Variants in C22orf42 observed in about 807,000 individuals in gnomAD.
The protein encoded by C22orf42 is chromosome 22 open reading frame 42.
A neutral mutation model predicts 31.4 loss-of-function variants in C22orf42; 24 were observed. The observed-to-expected ratio is 0.77, with a 90% CI of 0.55 to 1.08. C22orf42 has a LOEUF of 1.08. C22orf42 is among the 50% of genes least tolerant of loss of function. The pLI is 0.00. For synonymous variants in C22orf42, 96 were observed against 112.7 expected, an observed-to-expected ratio of 0.85 and a Z score of 0.94; for missense variants, 276 against 327.3, an observed-to-expected ratio of 0.84 and a Z score of 1.21.
intron 7 of C22orf42, 192 bp from the exon 8 acceptor site, chr22:32,149,972 T>C (rs2094109706): frequency 1.9e-6 from 1 of 513,888 alleles, no homozygotes; most frequent in Non-Finnish European, 3.5e-6. Flanking sequence ...AGTAAGTCCA[T>C]GTTGGCTGGC....
Position 32,158,960 on chromosome 22 carries a change from A to C in C22orf42, c.232+24T>G, listed in dbSNP as rs780000444. On this transcript the variant is annotated intron_variant, in intron 1 of 8. Transcript: ENST00000382097. ...GGTGGCCAGAGAGATGCCAGAGAGC[A>C]AATGGCACCCATGGCTTCTTTACCT... 6.2e-6 allele frequency: 10 copies of C among 1,613,712 alleles called. No individual in the cohort carries two copies. The South Asian group carries it at 9.9e-5, about 16-fold the overall frequency.
chr22:32,149,313 T>A lies in C22orf42; in HGVS notation c.*227A>T, dbSNP rs566923594. On this transcript the variant is annotated 3_prime_UTR_variant, in exon 9 of 9. Transcript: ENST00000382097. ...GTAATGACCCAGGATGGGGCGGGTGTTCTTCTGCATGGTGACTGAGAATGT... is the reference window on the plus strand; with the variant it reads ...GTAATGACCCAGGATGGGGCGGGTGATCTTCTGCATGGTGACTGAGAATGT... 57 of 351,484 alleles carry A rather than the reference T, an allele frequency of 1.6e-4. No individual in the cohort carries two copies. The highest frequency in any genetic ancestry group is 1.1e-3 in the African/African-American group (55 of 47,840). 21.8% of individuals were successfully genotyped at this position (351,484 alleles called of 1,614,324 possible).
Position 32,149,568 on chromosome 22 carries a change from C to T in C22orf42, c.728G>A (p.Ser243Asn), listed in dbSNP as rs1230912981. ...ARSRLNEPIS[S>N]QVLGLLRL ...AAGCCGGAGAAGTCCTAGAACCTGG[C>T]TGCTGATGGGTTCATTGAGCCGAGA... Residue 243 changes from serine (S) to asparagine (N), a missense_variant, in exon 9 of 9, where the codon AGC (serine) becomes AAC (asparagine). Transcript: ENST00000382097. The T allele has an allele frequency of 3.3e-6, 5 of 1,534,382 alleles. No individual in the cohort carries two copies. In the South Asian group the frequency reaches 4.9e-5, roughly 15 times the overall value.
intron 1 of C22orf42, among the ~76,000 whole-genome samples, chr22:32,156,557 GTT>G (rs542353890): frequency 7.5e-6 from 1 of 133,176 alleles, no homozygotes; most frequent in African/African-American, 3.0e-5. Context: ...CCCCAGCGTT[GTT>G]TTTTTGTTTG....
rs1368636895 is a variant in C22orf42 at position 32,149,365 on chromosome 22, C to G, written c.*175G>C. ...AGCCTCAGAATGAAATGTAAGAACA[C>G]CAGGCTGCAAGAGGACTGGCTGCAG... On this transcript the variant is annotated 3_prime_UTR_variant, in exon 9 of 9. Coordinates refer to ENST00000382097, the MANE Select transcript of C22orf42 (RefSeq NM_001010859.3). 3.0e-6 allele frequency: 2 copies of G among 671,576 alleles called. No homozygotes were observed. Among genetic ancestry groups the G allele is most frequent in the Non-Finnish European group, 4.1e-6 (2 of 482,526 alleles). The allele number at this position is 671,576 out of a possible 1,614,324, so 41.6% of individuals were successfully genotyped here.
At chr22:32,151,106 A>C in intron 5 of C22orf42, 87 bp from the exon 6 acceptor site, 1 of 1,364,044 alleles carries the variant, frequency 7.3e-7, no homozygotes, top group South Asian at 1.3e-5. Flanking sequence ...CACCTGGTGA[A>C]ATAAAAAACC....
chr22:32,157,616 A>G (rs1921334129), intron 1 of C22orf42, among the ~76,000 whole-genome samples: 1 of 152,186 alleles, frequency 6.6e-6, no homozygotes, highest in African/African-American at 2.4e-5. Flanking sequence ...CTCTATGTCT[A>G]TGAAGGTGGG....
intron 6 of C22orf42, 110 bp downstream of exon 6, chr22:32,150,882 T>C: frequency 8.8e-7 from 1 of 1,139,138 alleles, no homozygotes; most frequent in Non-Finnish European, 1.3e-6. Context: ...GTAACAATGG[T>C]TGCACAACCC....
intron 1 of C22orf42, among the ~76,000 whole-genome samples, chr22:32,157,191 G>A (rs1353370077): frequency 1.3e-5 from 2 of 151,838 alleles, no homozygotes; most frequent in Admixed American, 6.6e-5. Flanking sequence ...TTCAGGTCAT[G>A]ATCGTCTGTC....
At position 32,150,987 on chromosome 22, in the gene C22orf42, C is replaced by A. The variant is rs772849724; in HGVS notation, c.493+5G>T. 15 of 1,610,382 alleles carry A rather than the reference C, an allele frequency of 9.3e-6. No individual in the cohort carries two copies. The highest frequency in any genetic ancestry group is 2.2e-5 in the South Asian group (2 of 90,184). On this transcript the variant is annotated splice_donor_5th_base_variant and intron_variant, in intron 6 of 8. Coordinates refer to ENST00000382097, the MANE Select transcript of C22orf42 (RefSeq NM_001010859.3). ...AAATAAAGCTGTTTAAAAAAAAATA[C>A]GTACGGTGGTCGTGCTTGGCCTCAG...
chr22:32,153,557 G>A (rs530637612), intron 2 of C22orf42, among the ~76,000 whole-genome samples: 60 of 152,220 alleles, frequency 3.9e-4, no homozygotes, highest in African/African-American at 1.4e-3. Context: ...TTTAGAAATT[G>A]AATCAATGAT....
At position 32,149,461 on chromosome 22, in the gene C22orf42, C is replaced by G; in HGVS notation, c.*79G>C. ...GAGAGGCTTGTGATTTTTTTTTCAC[C>G]CAGATGGAAATATGCATTCATAAAA... On this transcript the variant is annotated 3_prime_UTR_variant, in exon 9 of 9. Coordinates refer to ENST00000382097, the MANE Select transcript of C22orf42 (RefSeq NM_001010859.3). 7.2e-7 allele frequency: 1 copy of G among 1,383,050 alleles called. No individual in the cohort carries two copies. Among genetic ancestry groups the G allele is most frequent in the Non-Finnish European group, 9.5e-7 (1 of 1,050,088 alleles). 85.7% of individuals were successfully genotyped at this position (1,383,050 alleles called of 1,614,324 possible). A position where few individuals can be genotyped will look rare whatever the true frequency, so the allele number is the denominator to read the frequency against.
rs1357964232 is a variant in C22orf42, at chr22:32,149,658, TATATATATATCTAC to T, written c.683-59_683-46del. On this transcript the variant is annotated intron_variant, in intron 8 of 8. Transcript: ENST00000382097. ...CTTCATCTCAAAAAAAAAATATATA[TATATATATATCTAC>T]ATATATGTATATCTACATATCTATA... 4.1e-5 allele frequency: 49 copies of T among 1,197,230 alleles called. No individual in the cohort carries two copies. The African/African-American group carries it at 6.7e-4, about 16-fold the overall frequency. 74.2% of individuals were successfully genotyped at this position (1,197,230 alleles called of 1,614,324 possible).
At chr22:32,153,762 T>C (rs1307581309) in intron 2 of C22orf42, among the ~76,000 whole-genome samples, 1 of 152,080 alleles carries the variant, frequency 6.6e-6, no homozygotes, top group African/African-American at 2.4e-5. Flanking sequence ...GTATTCATAA[T>C]TGACCAAACT....
chr22:32,151,464 C>T (rs774845995), intron 5 of C22orf42, 23 bp downstream of exon 5: 1 of 1,601,384 alleles, frequency 6.2e-7, no homozygotes, highest in East Asian at 2.2e-5. Flanking sequence ...CATTTCTCTT[C>T]CAGAGAAAGA....
intron 1 of C22orf42, among the ~76,000 whole-genome samples, chr22:32,156,907 A>G (rs1273157921): frequency 2.6e-5 from 4 of 152,266 alleles, no homozygotes; most frequent in Non-Finnish European, 4.4e-5. Context: ...CAATTGTGAC[A>G]AATTCCCCTT....
Position 32,149,431 on chromosome 22 carries a change from A to C in C22orf42, c.*109T>G. On this transcript the variant is annotated 3_prime_UTR_variant, in exon 9 of 9. Coordinates refer to ENST00000382097, the MANE Select transcript of C22orf42 (RefSeq NM_001010859.3). ...CACTGTTCACAGGTGCTCAGTAGGA[A>C]GAGAGAGAGGCTTGTGATTTTTTTT... The C allele has an allele frequency of 7.8e-7, 1 of 1,278,942 alleles. No individual in the cohort carries two copies. Among genetic ancestry groups the C allele is most frequent in the Non-Finnish European group, 1.0e-6 (1 of 986,966 alleles). The allele number at this position is 1,278,942 out of a possible 1,614,324, so 79.2% of individuals were successfully genotyped here.
intron 1 of C22orf42, among the ~76,000 whole-genome samples, chr22:32,158,731 A>C (rs1463944078): frequency 6.6e-6 from 1 of 152,172 alleles, no homozygotes; most frequent in Non-Finnish European, 1.5e-5. Flanking sequence ...GGACTCCAAA[A>C]CTGGAGTATT....
rs1012802247 is a variant in C22orf42 at position 32,149,337 on chromosome 22, G to A, written c.*203C>T. The A allele has an allele frequency of 2.1e-6, 1 of 480,484 alleles. No individual in the cohort carries two copies. Among genetic ancestry groups the A allele is most frequent in the East Asian group, 4.5e-5 (1 of 22,330 alleles). The allele number at this position is 480,484 out of a possible 1,614,324, so 29.8% of individuals were successfully genotyped here. A position where few individuals can be genotyped will look rare whatever the true frequency, so the allele number is the denominator to read the frequency against. ...GTTCTTCTGCATGGTGACTGAGAAT[G>A]TGAGCCTCAGAATGAAATGTAAGAA... On this transcript the variant is annotated 3_prime_UTR_variant, in exon 9 of 9. Transcript: ENST00000382097.
Sources: allele counts gnomAD v4.1 joint callset (sites outside exome capture counted in the v4.1 genomes callset), GRCh38; gene constraint gnomAD v4.1.1; transcripts MANE v1.5; gene names NCBI Gene and HGNC (gene_info 2026-07-23, HGNC 2026-07-21).